The following LATS2 variants were observed in gnomAD, a reference collection of about 807,000 sequenced individuals.
The protein encoded by LATS2 is serine/threonine-protein kinase LATS2.
Under a neutral mutation model 76.0 loss-of-function variants are expected in LATS2, and 24 were observed. The observed-to-expected ratio is 0.32, with a 90% CI of 0.23 to 0.44. LATS2 has a LOEUF of 0.44. Among genes scored for constraint, LATS2 ranks in the 20% least tolerant of loss-of-function variants. LATS2 has a pLI of 1.00. For missense variants in LATS2, 1,286 were observed against 1,481.2 expected (o/e 0.87, Z 2.16); for synonymous variants, 692 against 635.4 (o/e 1.09, Z -1.34).
rs1372306335 is a variant in LATS2, at chr13:20,980,989, C to G, written c.2665+477G>C. The stretch of plus-strand genomic sequence containing the variant: ...GTCATTTTACACAACTGGCACCTGC[C>G]ACTTTTGCTTATGGTCTAGCAGGGA... On this transcript the variant is annotated intron_variant, in intron 6 of 7. Coordinates refer to ENST00000382592, the MANE Select transcript of LATS2 (RefSeq NM_014572.3). Among the ~76,000 whole-genome samples, 2 of 152,222 alleles carry G rather than the reference C, an allele frequency of 1.3e-5. 1 individual carries two copies. Among genetic ancestry groups the G allele is most frequent in the Middle Eastern group, 6.3e-3 (2 of 316 alleles).
At chr13:21,021,120 A>G (rs1400395289) in intron 2 of LATS2, among the ~76,000 whole-genome samples, 1 of 152,194 alleles carries the variant, frequency 6.6e-6, no homozygotes, top group Non-Finnish European at 1.5e-5. Context: ...GTCAGTGAGT[A>G]TCTAGGAGTT....
chr13:21,014,849 C>T (rs548701438), intron 2 of LATS2, among the ~76,000 whole-genome samples: 1 of 152,320 alleles, frequency 6.6e-6, no homozygotes, highest in South Asian at 2.1e-4. Flanking sequence ...ACCATGCAAC[C>T]TTCTTTTTCC....
rs576630234 is a variant in LATS2, at chr13:21,028,469, T to A, written c.342+17216A>T. 1.4e-3 allele frequency among the ~76,000 whole-genome samples: 209 copies of A among 152,352 alleles called. 1 individual carries two copies. The highest frequency in any genetic ancestry group is 4.5e-3 in the African/African-American group (188 of 41,590). On this transcript the variant is annotated intron_variant, in intron 2 of 7. Transcript: ENST00000382592. Reference sequence around the variant, plus strand: ...CAGTAATTTATTTTGATATTTAATGTGATCAGCAATGCTTTGCAGTTTTAA... The same window carrying A: ...CAGTAATTTATTTTGATATTTAATGAGATCAGCAATGCTTTGCAGTTTTAA...
At chr13:21,057,365 T>C (rs540097666) in intron 1 of LATS2, among the ~76,000 whole-genome samples, 1 of 152,374 alleles carries the variant, frequency 6.6e-6, no homozygotes, top group East Asian at 1.9e-4. Context: ...TTGTCACAAT[T>C]AACTTGACAT....
intron 7 of LATS2, 141 bp from the exon 8 acceptor site, chr13:20,975,505 G>A (rs1869574698): frequency 1.1e-6 from 1 of 877,914 alleles, no homozygotes; most frequent in African/African-American, 1.7e-5. Flanking sequence ...AGCAGTTGTT[G>A]ATCTCAGCAG....
intron 2 of LATS2, among the ~76,000 whole-genome samples, chr13:20,994,714 G>A (rs1285877778): frequency 6.6e-6 from 1 of 152,122 alleles, no homozygotes; most frequent in Non-Finnish European, 1.5e-5. Flanking sequence ...GGGCAACACA[G>A]TGAGACCCCG....
chr13:21,022,853 T>G (rs1872125639), intron 2 of LATS2, among the ~76,000 whole-genome samples: 1 of 152,190 alleles, frequency 6.6e-6, no homozygotes, highest in South Asian at 2.1e-4. Flanking sequence ...ATTTTGCAGA[T>G]TATTTCCTGC....
chr13:21,008,923 T>C (rs144300061), intron 2 of LATS2, among the ~76,000 whole-genome samples: 2 of 152,266 alleles, frequency 1.3e-5, no homozygotes, highest in East Asian at 3.9e-4. Flanking sequence ...AACTGGAAAC[T>C]ATCTAAATGT....
chr13:20,983,909 AT>A, intron 4 of LATS2, 103 bp from the exon 5 acceptor site: 2 of 847,948 alleles, frequency 2.4e-6, no homozygotes, highest in South Asian at 1.7e-5. Context: ...AACCTAGCTC[AT>A]TTTACAGAAA....
chr13:21,053,458 TTG>T (rs1017215734), intron 1 of LATS2, among the ~76,000 whole-genome samples: 4 of 151,982 alleles, frequency 2.6e-5, no homozygotes, highest in African/African-American at 9.7e-5. Flanking sequence ...AGCATCCTGT[TTG>T]GTTTACCCCC....
At chr13:21,022,933 T>G (rs1015681517) in intron 2 of LATS2, 2 of 152,184 alleles carry the variant, frequency 1.3e-5, no homozygotes, top group African/African-American at 4.8e-5. Context: ...AGCAATAGAC[T>G]CCCCTTCTTC....
intron 4 of LATS2, 86 bp downstream of exon 4, chr13:20,987,795 G>A (rs1468559233): frequency 7.1e-5 from 106 of 1,482,628 alleles, no homozygotes; most frequent in Non-Finnish European, 9.3e-5. Flanking sequence ...GTATACAGTC[G>A]AAACAGAAAA....
chr13:21,040,361 C>A (rs4238156), intron 2 of LATS2, among the ~76,000 whole-genome samples: 42 of 147,666 alleles, frequency 2.8e-4, no homozygotes, highest in Admixed American at 2.0e-4. Context: ...ACAGCCTCGG[C>A]GACAGACCTT....
chr13:21,028,388 A>G (rs1872396292), intron 2 of LATS2, among the ~76,000 whole-genome samples: 1 of 152,108 alleles, frequency 6.6e-6, no homozygotes, highest in African/African-American at 2.4e-5. Flanking sequence ...CGCAATAAAC[A>G]TATGTGTGCA....
intron 1 of LATS2, among the ~76,000 whole-genome samples, chr13:21,056,319 A>G (rs1465915008): frequency 6.6e-6 from 1 of 152,000 alleles, no homozygotes; most frequent in Admixed American, 6.6e-5. Flanking sequence ...AATTACGGGC[A>G]TGAGCCACCA....
chr13:21,051,215 C>T (rs2138413670), intron 1 of LATS2, among the ~76,000 whole-genome samples: 1 of 152,298 alleles, frequency 6.6e-6, no homozygotes, highest in East Asian at 1.9e-4. Context: ...ATATGTAGGG[C>T]CCTTGAGCAG....
intron 7 of LATS2, among the ~76,000 whole-genome samples, chr13:20,977,966 A>G (rs933839356): frequency 6.6e-6 from 1 of 151,920 alleles, no homozygotes; most frequent in African/African-American, 2.4e-5. Context: ...TCCAGGTTGG[A>G]GTGCAGTGGC....
At chr13:21,049,494 T>C (rs1301508066) in intron 1 of LATS2, among the ~76,000 whole-genome samples, 1 of 152,170 alleles carries the variant, frequency 6.6e-6, no homozygotes, top group Admixed American at 6.5e-5. Context: ...AGCCATGAAA[T>C]GGAGCTACCA....
chr13:21,046,358 C>T (rs1355049449), intron 1 of LATS2, 128 bp from the exon 2 acceptor site: 1 of 279,486 alleles, frequency 3.6e-6, no homozygotes, highest in East Asian at 5.9e-5. Flanking sequence ...GAACGCATCA[C>T]CTCTCAGAAA....
Sources: gnomAD v4.1 joint callset for allele counts (sites outside exome capture counted in the v4.1 genomes callset) on GRCh38, gnomAD v4.1.1 for gene constraint, MANE v1.5 for transcripts, NCBI Gene and HGNC (gene_info 2026-07-23, HGNC 2026-07-21) for gene names.